Variants in OVCH1 observed in about 807,000 individuals in gnomAD.
The protein encoded by OVCH1 is ovochymase 1.
OVCH1 carries 139 observed loss-of-function variants against 138.4 expected under a neutral mutation model. The ratio of observed to expected loss-of-function variants is 1.00; its 90% CI spans 0.87 to 1.16. The LOEUF is 1.16. Ranked by LOEUF, OVCH1 falls within the 50% of genes most tolerant of loss-of-function variation. The pLI, the probability that OVCH1 is intolerant of heterozygous loss-of-function variation, is 0.00. For missense variants in OVCH1, 1,367 were observed against 1,357.9 expected, an observed-to-expected ratio of 1.01 and a Z score of -0.11; for synonymous variants, 453 against 467.8, an observed-to-expected ratio of 0.97 and a Z score of 0.41.
chr12:29,469,198 G>C (rs961401641), intron 16 of OVCH1, among the ~76,000 whole-genome samples: 2 of 152,128 alleles, frequency 1.3e-5, no homozygotes, highest in Non-Finnish European at 2.9e-5. Context: ...CACTATCTCA[G>C]CCAGATGGTC....
At chr12:29,444,208 A>G (rs759223818) in exon 24 of OVCH1, 1 of 1,612,582 alleles carries the variant, frequency 6.2e-7, no homozygotes, top group East Asian at 2.2e-5. Context: ...GGTCAGAAGA[A>G]CATCCTCACA....
chr12:29,451,554 G>T (rs770401668), exon 22 of OVCH1: 2 of 1,610,670 alleles, frequency 1.2e-6, no homozygotes, highest in Admixed American at 1.7e-5. Flanking sequence ...TTCTAGCTCT[G>T]CTTCAGAGCA....
intron 13 of OVCH1, 63 bp downstream of exon 13, chr12:29,476,143 C>T: frequency 7.5e-7 from 1 of 1,334,678 alleles, no homozygotes; most frequent in South Asian, 1.2e-5. Context: ...AGGAAGCCAG[C>T]CCATGTTGCC....
intron 8 of OVCH1, among the ~76,000 whole-genome samples, chr12:29,483,057 C>G (rs1372770600): frequency 6.6e-6 from 1 of 152,202 alleles, no homozygotes; most frequent in Non-Finnish European, 1.5e-5. Flanking sequence ...AACTCTGTTT[C>G]TTTAGTAGCC....
At chr12:29,445,482 A>C in intron 22 of OVCH1, 79 bp from the exon 23 acceptor site, 1 of 1,353,190 alleles carries the variant, frequency 7.4e-7, no homozygotes, top group Non-Finnish European at 1.0e-6. Flanking sequence ...CCGAGCAATT[A>C]ATTTAACCCA....
downstream of OVCH1, among the ~76,000 whole-genome samples, chr12:29,411,172 A>C (rs56368080): frequency 0.016 from 1,048 of 65,552 alleles, 23 homozygotes; most frequent in Middle Eastern, 0.045. Context: ...CCTTTAAGCA[A>C]TTCTCTGTAT....
rs758225632 is a variant in OVCH1, at chr12:29,461,849, C to G, written c.2280+5G>C. The G allele has an allele frequency of 1.2e-6, 2 of 1,613,724 alleles. No homozygotes were observed. The highest frequency in any genetic ancestry group is 2.2e-5 in the South Asian group (2 of 91,062). On this transcript the variant is annotated splice_donor_5th_base_variant and intron_variant, in intron 19 of 27. Coordinates refer to ENST00000318184, the Ensembl canonical transcript of OVCH1. ...CCTTCCTGTATAAAACCAGAATCCT[C>G]TCACCTGGCAGAAATCTTTCTCTCC...
At chr12:29,445,511 C>T (rs1260679581) in intron 22 of OVCH1, 108 bp from the exon 23 acceptor site, 13 of 1,120,672 alleles carry the variant, frequency 1.2e-5, no homozygotes, top group African/African-American at 3.2e-5. Context: ...GAATTGATTC[C>T]ATTCTGTAAA....
At chr12:29,470,839 T>C (rs1488622312) in intron 16 of OVCH1, among the ~76,000 whole-genome samples, 1 of 152,196 alleles carries the variant, frequency 6.6e-6, no homozygotes, top group African/African-American at 2.4e-5. Flanking sequence ...CCACCAACAG[T>C]GTAAAAGCGT....
Position 29,432,853 on chromosome 12 carries a change from T to G in OVCH1, c.3327+898A>C, listed in dbSNP as rs1011367231. 2.0e-5 allele frequency among the ~76,000 whole-genome samples: 3 copies of G among 152,164 alleles called. No individual in the cohort carries two copies. The East Asian group carries it at 5.8e-4, about 29-fold the overall frequency. On this transcript the variant is annotated intron_variant, in intron 27 of 27. Coordinates refer to ENST00000318184, the Ensembl canonical transcript of OVCH1. The stretch of plus-strand genomic sequence containing the variant: ...TTTTGGAGACCAAAACAAGTGAGAT[T>G]TGAGGAGGGAGAGCTCGTCTGTGTC...
chr12:29,495,603 C>T, intron 3 of OVCH1, 146 bp from the exon 4 acceptor site: 1 of 699,566 alleles, frequency 1.4e-6, no homozygotes, highest in Middle Eastern at 2.5e-4. Context: ...TGAGTATTAC[C>T]AATGGTCATA....
chr12:29,402,657 GGAGAA>G, the OVCH1 span, among the ~76,000 whole-genome samples: 3 of 151,738 alleles, frequency 2.0e-5, no homozygotes, highest in African/African-American at 7.3e-5. Context: ...AGAAAAGAAA[GGAGAA>G]GAGGGAGGTT....
chr12:29,448,399 G>A (rs148410952), intron 22 of OVCH1, among the ~76,000 whole-genome samples: 1,950 of 151,904 alleles, frequency 0.013, 18 homozygotes, highest in Non-Finnish European at 0.02. Flanking sequence ...AGGCAGGGGC[G>A]TGATACAACT....
intron 4 of OVCH1, among the ~76,000 whole-genome samples, chr12:29,494,655 T>C (rs1215834437): frequency 6.6e-6 from 1 of 152,186 alleles, no homozygotes; most frequent in African/African-American, 2.4e-5. Context: ...AATGAAATCT[T>C]GTCATTTGTA....
chr12:29,470,753 C>T (rs1325071419), intron 16 of OVCH1, among the ~76,000 whole-genome samples: 2 of 152,104 alleles, frequency 1.3e-5, no homozygotes, highest in East Asian at 3.9e-4. Context: ...ATTGCTAGGT[C>T]AATTGGTATT....
downstream of OVCH1, chr12:29,423,193 T>C (rs1941128809): frequency 2.2e-6 from 1 of 454,558 alleles, no homozygotes; most frequent in African/African-American, 2.0e-5. Flanking sequence ...TCTTCTAAAA[T>C]AAGCTTAAAA....
chr12:29,451,079 T>C lies in OVCH1; in HGVS notation c.2755+266A>G, dbSNP rs1314982605. On this transcript the variant is annotated intron_variant, in intron 22 of 27. Coordinates refer to ENST00000318184, the Ensembl canonical transcript of OVCH1. ...GTAACTAATGTAGATGACAGGCTTATAGTTGCAGCAAACCACCACGGCACG... is the reference window on the plus strand; with the variant it reads ...GTAACTAATGTAGATGACAGGCTTACAGTTGCAGCAAACCACCACGGCACG... Among the ~76,000 whole-genome samples the C allele has an allele frequency of 4.6e-5, 7 of 152,156 alleles. No individual in the cohort carries two copies. In the East Asian group the frequency reaches 1.4e-3, roughly 29 times the overall value.
downstream of OVCH1, among the ~76,000 whole-genome samples, chr12:29,423,553 C>T (rs970479597): frequency 2.0e-5 from 3 of 152,016 alleles, no homozygotes; most frequent in Admixed American, 6.6e-5. Context: ...ATCTGTTATC[C>T]TAAGGATGGG....
At chr12:29,406,125 T>G in the OVCH1 span, among the ~76,000 whole-genome samples, 1 of 152,196 alleles carries the variant, frequency 6.6e-6, no homozygotes, top group Non-Finnish European at 1.5e-5. Context: ...ATTGTGTATG[T>G]GTGTCTGAGT....
Sources: allele counts gnomAD v4.1 joint callset (sites outside exome capture counted in the v4.1 genomes callset), GRCh38; gene constraint gnomAD v4.1.1; transcripts MANE v1.5; gene names NCBI Gene and HGNC (gene_info 2026-07-23, HGNC 2026-07-21).